GPCPD1: variants seen among roughly 807,000 people sequenced by gnomAD.
GPCPD1 encodes glycerophosphocholine phosphodiesterase GPCPD1.
A neutral mutation model predicts 89.2 loss-of-function variants in GPCPD1; 29 were observed. The observed-to-expected ratio is 0.33, with a 90% CI of 0.24 to 0.44. The LOEUF (loss-of-function observed/expected upper bound fraction) is 0.44. Among genes scored for constraint, GPCPD1 ranks in the 20% least tolerant of loss-of-function variants. GPCPD1 has a pLI of 1.00. For missense variants in GPCPD1, 594 were observed against 808.9 expected (o/e 0.73, Z 3.22); for synonymous variants, 258 against 266.3 (o/e 0.97, Z 0.30).
chr20:5,582,044 G>A (rs1029720147), intron 6 of GPCPD1, among the ~76,000 whole-genome samples: 3 of 147,252 alleles, frequency 2.0e-5, no homozygotes, highest in African/African-American at 7.5e-5. Flanking sequence ...AAATTAGCCG[G>A]GCGTGGTAGC....
chr20:5,592,115 A>G (rs896282572), intron 4 of GPCPD1, among the ~76,000 whole-genome samples: 5 of 152,206 alleles, frequency 3.3e-5, no homozygotes, highest in African/African-American at 1.2e-4. Context: ...ATGCCCAAAG[A>G]ACTCATTATC....
chr20:5,582,922 T>C (rs1478292881), intron 6 of GPCPD1, among the ~76,000 whole-genome samples: 1 of 147,428 alleles, frequency 6.8e-6, no homozygotes, highest in Non-Finnish European at 1.5e-5. Context: ...TGCAGTTTAG[T>C]ATAATAGCCC....
In GPCPD1 at chr20:5,546,877, A is replaced by G. The variant is rs1401110501; in HGVS notation, c.*784T>C. ...CAGATGCAAGGACCTAACAGTAAAC[A>G]TGTACAATCTCATGCTTAACACCTA... is the stretch of plus-strand genomic sequence containing the variant. On this transcript the variant is annotated 3_prime_UTR_variant, in exon 20 of 20. Transcript: ENST00000379019. 1.3e-5 allele frequency: 2 copies of G among 152,590 alleles called. No homozygotes were observed. The highest frequency in any genetic ancestry group is 1.9e-4 in the East Asian group (1 of 5,200). 9.5% of individuals were successfully genotyped at this position (152,590 alleles called of 1,614,324 possible). A position where few individuals can be genotyped will look rare whatever the true frequency, so the allele number is the denominator to read the frequency against.
At chr20:5,583,220 C>T (rs1206171674) in intron 6 of GPCPD1, among the ~76,000 whole-genome samples, 2 of 119,466 alleles carry the variant, frequency 1.7e-5, no homozygotes, top group South Asian at 3.0e-4. Context: ...GCAAAAACTC[C>T]ATCTCAAAAA....
At chr20:5,598,660 A>T in intron 3 of GPCPD1, 65 bp downstream of exon 3, 1 of 887,920 alleles carries the variant, frequency 1.1e-6, no homozygotes, top group Non-Finnish European at 1.8e-6. Context: ...AAGATATCTT[A>T]AAAGCCCCTA....
Position 5,566,733 on chromosome 20 carries a change from C to T in GPCPD1, c.1267G>A (p.Glu423Lys). The change falls in exon 14 of 20, where the codon GAA becomes AAA. Residue 423 changes from glutamate (E) to lysine (K), a missense_variant and splice_region_variant. Glu to Lys is a moderately conservative substitution (Grantham distance 56). Transcript: ENST00000379019. The stretch of plus-strand genomic sequence containing the variant: ...ACAGTGTTTCCATATTGGTACATAC[C>T]TTTCCGATCCTTAGATTTCAGTGCA... ...VTALKSKDRK[E>K]SVVQEENSFS... 6.4e-7 allele frequency: 1 copy of T among 1,558,264 alleles called. No individual in the cohort carries two copies. The highest frequency in any genetic ancestry group is 8.9e-7 in the Non-Finnish European group (1 of 1,129,320).
chr20:5,589,462 A>C (rs1265950735), intron 4 of GPCPD1, among the ~76,000 whole-genome samples: 2 of 152,138 alleles, frequency 1.3e-5, no homozygotes, highest in Non-Finnish European at 2.9e-5. Flanking sequence ...AAATACAAAA[A>C]TTAGCCGGGC....
chr20:5,575,715 C>T, intron 9 of GPCPD1, 101 bp downstream of exon 9: 1 of 937,558 alleles, frequency 1.1e-6, no homozygotes, highest in South Asian at 1.7e-5. Context: ...GATACTAAAG[C>T]AAATTATTAA....
intron 4 of GPCPD1, among the ~76,000 whole-genome samples, chr20:5,591,814 C>T (rs1398691576): frequency 6.6e-6 from 1 of 152,154 alleles, no homozygotes; most frequent in Non-Finnish European, 1.5e-5. Context: ...GCTATTTACT[C>T]GATTCCATGA....
chr20:5,566,442 T>C (rs941883876), intron 14 of GPCPD1, among the ~76,000 whole-genome samples: 27 of 152,338 alleles, frequency 1.8e-4, no homozygotes, highest in African/African-American at 6.3e-4. Context: ...CCGGATTCTA[T>C]AGTTGATTTA....
chr20:5,601,755 A>G (rs1054482760), intron 2 of GPCPD1, among the ~76,000 whole-genome samples: 2 of 152,192 alleles, frequency 1.3e-5, no homozygotes, highest in Non-Finnish European at 2.9e-5. Flanking sequence ...ACTTTTTGCT[A>G]TGAAAAGAAC....
chr20:5,557,843 C>T (rs1162961591), intron 19 of GPCPD1, 102 bp downstream of exon 19: 10 of 654,128 alleles, frequency 1.5e-5, no homozygotes, highest in Non-Finnish European at 2.6e-5. Flanking sequence ...TCAGGCTGAA[C>T]TGCAGAATTT....
chr20:5,586,880 G>T (rs1263043634), intron 4 of GPCPD1, among the ~76,000 whole-genome samples: 1 of 152,200 alleles, frequency 6.6e-6, no homozygotes, highest in African/African-American at 2.4e-5. Flanking sequence ...AATTCTAGAA[G>T]GGACATGTGG....
intron 2 of GPCPD1, 55 bp from the exon 3 acceptor site, chr20:5,598,876 A>C (rs1486410455): frequency 1.8e-6 from 2 of 1,108,704 alleles, no homozygotes; most frequent in Non-Finnish European, 2.8e-6. Flanking sequence ...TCACAGTGGG[A>C]TAAGCAGGGA....
chr20:5,559,242 CAAAG>C (rs1353742484), intron 17 of GPCPD1, among the ~76,000 whole-genome samples: 1 of 151,842 alleles, frequency 6.6e-6, no homozygotes, highest in Non-Finnish European at 1.5e-5. Context: ...AGAAAGAAAA[CAAAG>C]AAACATATTC....
intron 15 of GPCPD1, among the ~76,000 whole-genome samples, chr20:5,562,966 T>A (rs1280827824): frequency 1.3e-5 from 2 of 152,150 alleles, no homozygotes; most frequent in African/African-American, 4.8e-5. Flanking sequence ...ATATTTGGTA[T>A]TATTTTGGCG....
At position 5,608,473 on chromosome 20, in the gene GPCPD1, G is replaced by C. The variant is rs145217140; in HGVS notation, c.-29+2369C>G. On this transcript the variant is annotated intron_variant, in intron 1 of 19. Coordinates refer to ENST00000379019, the MANE Select transcript of GPCPD1 (RefSeq NM_019593.5). The stretch of plus-strand genomic sequence containing the variant: ...TCCAAATGCAATTCACTTGATTATG[G>C]ACAGAGGCCAAAAGTCTGGTGCAGT... Among the ~76,000 whole-genome samples, 441 of 152,142 alleles carry C rather than the reference G, an allele frequency of 2.9e-3. 4 individuals are homozygous for C. Among genetic ancestry groups the C allele is most frequent in the African/African-American group, 0.01 (430 of 41,476 alleles).
intron 19 of GPCPD1, among the ~76,000 whole-genome samples, chr20:5,548,063 T>A (rs1204487789): frequency 6.6e-6 from 1 of 152,242 alleles, no homozygotes; most frequent in East Asian, 1.9e-4. Context: ...AATAGCAGCA[T>A]TGCCCTTTTG....
At chr20:5,610,144 G>A (rs1168819691) in intron 1 of GPCPD1, among the ~76,000 whole-genome samples, 1 of 152,164 alleles carries the variant, frequency 6.6e-6, no homozygotes, top group Non-Finnish European at 1.5e-5. Flanking sequence ...TGGGGAGAGG[G>A]CTGATGAGGA....
Sources: gnomAD v4.1 joint callset for allele counts (sites outside exome capture counted in the v4.1 genomes callset) on GRCh38, gnomAD v4.1.1 for gene constraint, MANE v1.5 for transcripts, NCBI Gene and HGNC (gene_info 2026-07-23, HGNC 2026-07-21) for gene names.